CPEB4: variants seen among roughly 807,000 people sequenced by gnomAD.
CPEB4 encodes the protein cytoplasmic polyadenylation element-binding protein 4.
Under a neutral mutation model 72.5 loss-of-function variants are expected in CPEB4, and 12 were observed. The observed-to-expected ratio is 0.17, with a 90% CI of 0.11 to 0.27. The LOEUF (loss-of-function observed/expected upper bound fraction) is 0.27. Among genes scored for constraint, CPEB4 ranks in the 10% least tolerant of loss-of-function variants. The pLI, the probability that CPEB4 is intolerant of heterozygous loss-of-function variation, is 1.00. For synonymous variants in CPEB4, 302 were observed against 326.3 expected (o/e 0.93, Z 0.80); for missense variants, 614 against 908.5 (o/e 0.68, Z 4.17).
chr5:173,949,878 A>G, intron 6 of CPEB4, 82 bp from the exon 7 acceptor site: 1 of 935,546 alleles, frequency 1.1e-6, no homozygotes, highest in Admixed American at 2.2e-5. Flanking sequence ...TCCTTTCTTT[A>G]GTTTTGTGCA....
Position 173,907,302 on chromosome 5 carries a change from G to A in CPEB4, c.1126-3221G>A, listed in dbSNP as rs573961144. On this transcript the variant is annotated intron_variant, in intron 1 of 9. Transcript: ENST00000265085. ...AACAACAACAACAACAACAAAACCT[G>A]TAGGTAGAAAAACAAAAACAAAAAC... 5.2e-4 allele frequency among the ~76,000 whole-genome samples: 79 copies of A among 152,128 alleles called. 1 individual carries two copies. The highest frequency in any genetic ancestry group is 6.8e-3 in the Middle Eastern group (2 of 292).
intron 2 of CPEB4, 36 bp from the exon 3 acceptor site, chr5:173,932,414 A>G: frequency 6.4e-7 from 1 of 1,572,650 alleles, no homozygotes; most frequent in Admixed American, 1.7e-5. Context: ...ATCTATGAAA[A>G]AAGTAAACTT....
At chr5:173,927,536 G>A (rs952753962) in intron 2 of CPEB4, among the ~76,000 whole-genome samples, 10 of 152,198 alleles carry the variant, frequency 6.6e-5, no homozygotes, top group Admixed American at 5.2e-4. Context: ...CCAGCACTTC[G>A]GGAGGCCGAG....
chr5:173,910,408 CA>C, intron 1 of CPEB4, 114 bp from the exon 2 acceptor site: 1 of 716,052 alleles, frequency 1.4e-6, no homozygotes, highest in Middle Eastern at 2.4e-4. Context: ...ATGTGCCTTA[CA>C]TAGAGAGTAA....
chr5:173,909,243 T>G lies in CPEB4; in HGVS notation c.1126-1280T>G, dbSNP rs558636308. On this transcript the variant is annotated intron_variant, in intron 1 of 9. Transcript: ENST00000265085. ...TTGCAAGTTGAGAGTAAATAAGAATTGAGATTTTGTTTTGTTTTGTTTTGT... is the reference window on the plus strand; with the variant it reads ...TTGCAAGTTGAGAGTAAATAAGAATGGAGATTTTGTTTTGTTTTGTTTTGT... 4.1e-4 allele frequency among the ~76,000 whole-genome samples: 63 copies of G among 152,324 alleles called. No individual in the cohort carries two copies. The South Asian group carries it at 7.7e-3, about 19-fold the overall frequency.
In CPEB4 at chr5:173,917,933, T is replaced by A. The variant is rs897288361; in HGVS notation, c.1207+7329T>A. On this transcript the variant is annotated intron_variant, in intron 2 of 9. Transcript: ENST00000265085. Reference sequence around the variant, plus strand: ...GTGTCTGGCTGAAGCCTTCCTGAACTAGGCTGGCTCTTTCTTGCTCGGTTT... The same window carrying A: ...GTGTCTGGCTGAAGCCTTCCTGAACAAGGCTGGCTCTTTCTTGCTCGGTTT... Among the ~76,000 whole-genome samples the A allele has an allele frequency of 9.2e-5, 14 of 152,352 alleles. No individual in the cohort carries two copies. In the South Asian group the frequency reaches 2.1e-3, roughly 23 times the overall value.
At position 173,931,573 on chromosome 5, in the gene CPEB4, G is replaced by A. The variant is rs141095743; in HGVS notation, c.1208-877G>A. ...CTCAAGGTGGGTGCAGATGGCATGTGGGCTTTGGAGATGTAAAAGTGTTGC... is the reference window on the plus strand; with the variant it reads ...CTCAAGGTGGGTGCAGATGGCATGTAGGCTTTGGAGATGTAAAAGTGTTGC... On this transcript the variant is annotated intron_variant, in intron 2 of 9. Coordinates refer to ENST00000265085, the MANE Select transcript of CPEB4 (RefSeq NM_030627.4). Among the ~76,000 whole-genome samples the A allele has an allele frequency of 4.3e-3, 658 of 152,252 alleles. 1 individual carries two copies. The highest frequency in any genetic ancestry group is 7.8e-3 in the Non-Finnish European group (533 of 68,014).
chr5:173,952,113 A>G (rs1758234201), intron 8 of CPEB4, among the ~76,000 whole-genome samples, 175 bp downstream of exon 8: 2 of 152,158 alleles, frequency 1.3e-5, no homozygotes, highest in South Asian at 4.1e-4. Context: ...GACAAATTCC[A>G]TGACTTTTCT....
chr5:173,942,325 A>G (rs1047312912), intron 3 of CPEB4, among the ~76,000 whole-genome samples: 1 of 152,248 alleles, frequency 6.6e-6, no homozygotes, highest in African/African-American at 2.4e-5. Flanking sequence ...TTCAGGGAAG[A>G]CATTTTCTCA....
chr5:173,925,982 A>G (rs924992901), intron 2 of CPEB4, among the ~76,000 whole-genome samples: 1 of 152,170 alleles, frequency 6.6e-6, no homozygotes, highest in Non-Finnish European at 1.5e-5. Flanking sequence ...TCAAAAGTTG[A>G]TCCTTAAAAA....
At chr5:173,951,991 G>C in intron 8 of CPEB4, 53 bp downstream of exon 8, 61,681 of 903,336 alleles carry the variant, frequency 0.068, 2 homozygotes, top group Non-Finnish European at 0.1. Context: ...GAAATATGAA[G>C]ATCTTCAGGA....
chr5:173,924,485 C>T (rs17763083), intron 2 of CPEB4, among the ~76,000 whole-genome samples: 33,770 of 152,036 alleles, frequency 0.22, 4,966 homozygotes, highest in Non-Finnish European at 0.31. Flanking sequence ...AACTTTTTGG[C>T]CAAAATAAAT....
In CPEB4 at chr5:173,949,561, C is replaced by T; in HGVS notation, c.1510C>T (p.His504Tyr). 1 of 1,613,462 alleles carries T rather than the reference C, an allele frequency of 6.2e-7. No homozygotes were observed. The highest frequency in any genetic ancestry group is 8.5e-7 in the Non-Finnish European group (1 of 1,179,562). The change falls in exon 6 of 10, where the codon CAT (histidine) becomes TAT (tyrosine). Residue 504 changes from histidine (H) to tyrosine (Y), a missense_variant. Physicochemically the swap from His to Tyr is moderately conservative, Grantham distance 83. This residue lies in a region of CPEB4 where 25 missense variants were observed against 68.9 expected (regional missense o/e 0.36). Coordinates refer to ENST00000265085, the MANE Select transcript of CPEB4 (RefSeq NM_030627.4). The part of the protein sequence containing the change: ...RFGPLIVDWP[H>Y]KAESKSYFPP... Reference sequence around the variant, plus strand: ...TGGCCCTCTGATTGTGGATTGGCCTCATAAAGCTGAGAGCAAATCCTATTT... The same window carrying T: ...TGGCCCTCTGATTGTGGATTGGCCTTATAAAGCTGAGAGCAAATCCTATTT...
At chr5:173,921,669 G>T (rs189867468) in intron 2 of CPEB4, among the ~76,000 whole-genome samples, 16 of 152,294 alleles carry the variant, frequency 1.1e-4, no homozygotes, top group Admixed American at 5.9e-4. Context: ...TTGTTAGGAG[G>T]GGGAGGCAAG....
chr5:173,945,204 T>G (rs745931094), intron 5 of CPEB4, 64 bp downstream of exon 5: 1 of 1,397,232 alleles, frequency 7.2e-7, no homozygotes, highest in Non-Finnish European at 1.0e-6. Context: ...AACTCACAGA[T>G]AGTGTTACAA....
At chr5:173,899,288 T>C (rs769017611) in intron 1 of CPEB4, among the ~76,000 whole-genome samples, 19 of 152,272 alleles carry the variant, frequency 1.2e-4, no homozygotes, top group Non-Finnish European at 2.8e-4. Context: ...CCATTTGTAT[T>C]ATTTTGAAGC....
rs771639094 is a variant in CPEB4, at chr5:173,890,554, T to G, written c.821T>G (p.Leu274Trp). 1.2e-5 allele frequency: 19 copies of G among 1,614,050 alleles called. No homozygotes were observed. In the Admixed American group the frequency reaches 3.0e-4, roughly 25 times the overall value. ...RNAAFNQLPH[L>W]ANNLNKPPSP... ...GCTGCTTTTAACCAGCTGCCTCATT[T>G]GGCGAATAATCTTAACAAACCCCCC... Residue 274 changes from leucine to tryptophan, a missense_variant, in exon 1 of 10, where the codon TTG (leucine) becomes TGG (tryptophan). Physicochemically the swap from Leu to Trp is moderately conservative, Grantham distance 61. Around this residue, in one of 5 missense-constraint regions of CPEB4, gnomAD observed 458 missense variants for 548.6 expected, o/e 0.83. Coordinates refer to ENST00000265085, the MANE Select transcript of CPEB4 (RefSeq NM_030627.4).
intron 2 of CPEB4, among the ~76,000 whole-genome samples, chr5:173,922,889 A>G (rs1326157244): frequency 1.3e-5 from 2 of 152,250 alleles, no homozygotes; most frequent in Non-Finnish European, 2.9e-5. Flanking sequence ...TTGTTGGGAT[A>G]TATCAGGGAC....
chr5:173,952,567 C>T (rs1013652901), intron 8 of CPEB4, among the ~76,000 whole-genome samples: 1 of 152,076 alleles, frequency 6.6e-6, no homozygotes, highest in Non-Finnish European at 1.5e-5. Flanking sequence ...GAAGAAAATG[C>T]AGTCATTATT....
Sources: allele counts gnomAD v4.1 joint callset (sites outside exome capture counted in the v4.1 genomes callset), GRCh38; gene constraint gnomAD v4.1.1; regional missense constraint gnomAD v4.1.1; transcripts MANE v1.5; gene names NCBI Gene and HGNC (gene_info 2026-07-23, HGNC 2026-07-21).